Variants in PPFIA2 observed in about 807,000 individuals in gnomAD.
PPFIA2 encodes PPFI scaffold protein A2, also known as liprin-alpha-2.
Under a neutral mutation model 175.5 loss-of-function variants are expected in PPFIA2, and 46 were observed. That is an observed-to-expected ratio of 0.26 (90% confidence interval 0.21 to 0.34). The LOEUF is 0.34. Among genes scored for constraint, PPFIA2 ranks in the 10% least tolerant of loss-of-function variants. The pLI, the probability that PPFIA2 is intolerant of heterozygous loss-of-function variation, is 1.00. For synonymous variants in PPFIA2, 568 were observed against 511.4 expected, an observed-to-expected ratio of 1.11 and a Z score of -1.49; for missense variants, 1,179 against 1,506.1, an observed-to-expected ratio of 0.78 and a Z score of 3.60.
chr12:81,651,920 C>T (rs2067090534), intron 4 of PPFIA2, among the ~76,000 whole-genome samples: 1 of 151,876 alleles, frequency 6.6e-6, no homozygotes, highest in Admixed American at 6.6e-5. Flanking sequence ...AGAGGAGTTT[C>T]CACAGTTGAC....
chr12:81,690,900 CT>C (rs1329281623), intron 3 of PPFIA2, among the ~76,000 whole-genome samples: 1 of 152,068 alleles, frequency 6.6e-6, no homozygotes, highest in African/African-American at 2.4e-5. Flanking sequence ...ATTTCAATCT[CT>C]AGTTCTATGT....
chr12:81,619,701 C>T (rs1444798007), intron 4 of PPFIA2, among the ~76,000 whole-genome samples: 1 of 152,028 alleles, frequency 6.6e-6, no homozygotes, highest in Non-Finnish European at 1.5e-5. Context: ...TTTAGAGTTT[C>T]TCCCAGTTAG....
In PPFIA2 at chr12:81,753,006, C is replaced by T. The variant is rs373566893; in HGVS notation, c.249+967G>A. Among the ~76,000 whole-genome samples, 263 of 150,846 alleles carry T rather than the reference C, an allele frequency of 1.7e-3. 1 individual carries two copies. Among genetic ancestry groups the T allele is most frequent in the African/African-American group, 6.2e-3 (256 of 41,020 alleles). Reference sequence around the variant, plus strand: ...CTGGAGTGCAGTGGCGTGATCTTGGCTCACTGTAACCTCTGCCTCCCGGGT... The same window carrying T: ...CTGGAGTGCAGTGGCGTGATCTTGGTTCACTGTAACCTCTGCCTCCCGGGT... On this transcript the variant is annotated intron_variant, in intron 3 of 32. Transcript: ENST00000549396.
rs139458706 is a variant in PPFIA2 at position 81,289,016 on chromosome 12, T to C, written c.2926-4713A>G. ...AGCAGAAGCAGGAGAATGTGCTTGTTAGGAGAAAACCCACATAGGAGTATG... is the reference window on the plus strand; with the variant it reads ...AGCAGAAGCAGGAGAATGTGCTTGTCAGGAGAAAACCCACATAGGAGTATG... On this transcript the variant is annotated intron_variant, in intron 24 of 32. Coordinates refer to ENST00000549396, the MANE Select transcript of PPFIA2 (RefSeq NM_003625.5). Among the ~76,000 whole-genome samples the C allele has an allele frequency of 3.4e-3, 517 of 151,946 alleles. 4 individuals carry two copies. The highest frequency in any genetic ancestry group is 0.012 in the African/African-American group (496 of 41,540).
chr12:81,705,588 AG>A (rs2153607115), intron 3 of PPFIA2, among the ~76,000 whole-genome samples: 1 of 152,320 alleles, frequency 6.6e-6, no homozygotes, highest in East Asian at 1.9e-4. Context: ...ACATTGCAAC[AG>A]GTGGTATGTA....
intron 4 of PPFIA2, among the ~76,000 whole-genome samples, chr12:81,614,164 G>A (rs1474176774): frequency 6.6e-6 from 1 of 151,958 alleles, no homozygotes; most frequent in Non-Finnish European, 1.5e-5. Context: ...ACATCCACTT[G>A]CCTAAATGCA....
intron 4 of PPFIA2, among the ~76,000 whole-genome samples, chr12:81,488,131 T>C (rs998091315): frequency 2.0e-5 from 3 of 151,894 alleles, no homozygotes; most frequent in African/African-American, 4.8e-5. Flanking sequence ...CTATATTTCA[T>C]TGTCTGTTCC....
At chr12:81,618,903 A>T (rs2061714707) in intron 4 of PPFIA2, among the ~76,000 whole-genome samples, 1 of 152,198 alleles carries the variant, frequency 6.6e-6, no homozygotes, top group Admixed American at 6.5e-5. Flanking sequence ...TTAATTCAAC[A>T]ATTATTAGTC....
At chr12:81,739,458 C>A (rs1243039968) in intron 3 of PPFIA2, among the ~76,000 whole-genome samples, 1 of 151,804 alleles carries the variant, frequency 6.6e-6, no homozygotes, top group Non-Finnish European at 1.5e-5. Context: ...TTTCTATATA[C>A]AAAATTAACA....
chr12:81,540,634 A>G (rs2153339225), intron 4 of PPFIA2, among the ~76,000 whole-genome samples: 1 of 152,212 alleles, frequency 6.6e-6, no homozygotes, highest in East Asian at 1.9e-4. Context: ...TCAAGGGAAG[A>G]TTGCATATAT....
rs772988416 is a variant in PPFIA2 at position 81,339,381 on chromosome 12, A to G, written c.2394-47T>C. On this transcript the variant is annotated intron_variant, in intron 20 of 32. Coordinates refer to ENST00000549396, the MANE Select transcript of PPFIA2 (RefSeq NM_003625.5). ...AATACATGCAACATCCACAAGGTAC[A>G]CAAAAGTCATTTCCTTTATAAAATG... 15 of 1,408,392 alleles carry G rather than the reference A, an allele frequency of 1.1e-5. No individual in the cohort carries two copies. The South Asian group carries it at 1.4e-4, about 13-fold the overall frequency. 87.2% of individuals were successfully genotyped at this position (1,408,392 alleles called of 1,614,324 possible). A position where few individuals can be genotyped will look rare whatever the true frequency, so the allele number is the denominator to read the frequency against.
rs1197463117 is a variant in PPFIA2 at position 81,375,938 on chromosome 12, A to C, written c.989T>G (p.Met330Arg). The change falls in exon 10 of 33, where the codon ATG (methionine) becomes AGG (arginine). Residue 330 changes from methionine to arginine, a missense_variant. Coordinates refer to ENST00000549396, the MANE Select transcript of PPFIA2 (RefSeq NM_003625.5). The part of the protein sequence containing the change: ...TKYQRDIREA[M>R]AQKEDMEERI... Reference sequence around the variant, plus strand: ...TTCTTCCATATCTTCCTTTTGTGCCATGGCCTACAATTAAAATAATTTAGA... The same window carrying C: ...TTCTTCCATATCTTCCTTTTGTGCCCTGGCCTACAATTAAAATAATTTAGA... 1 of 1,610,688 alleles carries C rather than the reference A, an allele frequency of 6.2e-7. No individual in the cohort carries two copies. The highest frequency in any genetic ancestry group is 1.7e-5 in the Admixed American group (1 of 59,550).
At position 81,700,045 on chromosome 12, in the gene PPFIA2, C is replaced by T. The variant is rs186286444; in HGVS notation, c.250-23201G>A. Among the ~76,000 whole-genome samples the T allele has an allele frequency of 1.3e-3, 203 of 152,106 alleles. 1 individual carries two copies. The highest frequency in any genetic ancestry group is 4.7e-3 in the African/African-American group (197 of 41,532). On this transcript the variant is annotated intron_variant, in intron 3 of 32. Coordinates refer to ENST00000549396, the MANE Select transcript of PPFIA2 (RefSeq NM_003625.5). ...ATCTTTCATGAAAATATTGGACTTT[C>T]CCATATCCTATGACCATTTGTCTTC... is the stretch of plus-strand genomic sequence containing the variant.
intron 4 of PPFIA2, among the ~76,000 whole-genome samples, chr12:81,663,264 T>C (rs931466829): frequency 4.6e-5 from 7 of 152,274 alleles, no homozygotes; most frequent in African/African-American, 1.7e-4. Context: ...TGTTTGCAGA[T>C]GACATGATTG....
At chr12:81,594,138 C>T (rs1221473558) in intron 4 of PPFIA2, among the ~76,000 whole-genome samples, 2 of 152,092 alleles carry the variant, frequency 1.3e-5, no homozygotes, top group African/African-American at 4.8e-5. Flanking sequence ...TAAGATGGAA[C>T]ATCTTAGATC....
chr12:81,580,216 A>G (rs1395431786), intron 4 of PPFIA2, among the ~76,000 whole-genome samples: 1 of 151,828 alleles, frequency 6.6e-6, no homozygotes, highest in Non-Finnish European at 1.5e-5. Context: ...GGTTCTTTAC[A>G]TATGCAGTAT....
chr12:81,484,231 TAA>T (rs148164391), intron 4 of PPFIA2, among the ~76,000 whole-genome samples: 1 of 150,716 alleles, frequency 6.6e-6, no homozygotes. Context: ...AATGGACAAA[TAA>T]AAAAAAATAG....
At chr12:81,316,461 C>A (rs1193737147) in intron 22 of PPFIA2, among the ~76,000 whole-genome samples, 1 of 151,464 alleles carries the variant, frequency 6.6e-6, no homozygotes, top group Non-Finnish European at 1.5e-5. Context: ...GTAAGTTTTA[C>A]TGGAATGAAT....
At chr12:81,556,470 T>G (rs931154189) in intron 4 of PPFIA2, among the ~76,000 whole-genome samples, 3 of 151,866 alleles carry the variant, frequency 2.0e-5, no homozygotes, top group African/African-American at 4.8e-5. Context: ...GATGCAAAAC[T>G]CTGAACTGTT....
Sources: allele counts gnomAD v4.1 joint callset (sites outside exome capture counted in the v4.1 genomes callset), GRCh38; gene constraint gnomAD v4.1.1; transcripts MANE v1.5; gene names NCBI Gene and HGNC (gene_info 2026-07-23, HGNC 2026-07-21).